The following MAGI1 variants were observed in gnomAD, a reference collection of about 807,000 sequenced individuals.
The protein encoded by MAGI1 is membrane-associated guanylate kinase, WW and PDZ domain-containing protein 1.
MAGI1 carries 58 observed loss-of-function variants against 139.9 expected under a neutral mutation model. That is an observed-to-expected ratio of 0.41 (90% confidence interval 0.34 to 0.52). MAGI1 has a LOEUF of 0.52. Among genes scored for constraint, MAGI1 ranks in the 20% least tolerant of loss-of-function variants. The pLI, the probability that MAGI1 is intolerant of heterozygous loss-of-function variation, is 0.12. For missense variants in MAGI1, 1,874 were observed against 1,901.6 expected (o/e 0.99, Z 0.27); for synonymous variants, 812 against 737.9 (o/e 1.10, Z -1.63).
chr3:65,867,809 G>A (rs572306559), intron 1 of MAGI1, among the ~76,000 whole-genome samples: 1 of 152,218 alleles, frequency 6.6e-6, no homozygotes, highest in South Asian at 2.1e-4. Flanking sequence ...CAGTAAGACA[G>A]CTCCACACCC....
At chr3:65,570,674 G>T (rs1014834754) in intron 2 of MAGI1, among the ~76,000 whole-genome samples, 4 of 152,190 alleles carry the variant, frequency 2.6e-5, no homozygotes, top group Admixed American at 2.0e-4. Context: ...GATGAAATAA[G>T]ATTGGCTAAA....
intron 1 of MAGI1, among the ~76,000 whole-genome samples, chr3:65,846,556 T>G (rs562514571): frequency 1.3e-5 from 2 of 152,232 alleles, no homozygotes; most frequent in Admixed American, 6.5e-5. Context: ...AAGGTCCTTA[T>G]AGTAAGTCTG....
At chr3:65,587,315 C>T (rs1257230423) in intron 2 of MAGI1, among the ~76,000 whole-genome samples, 1 of 152,084 alleles carries the variant, frequency 6.6e-6, no homozygotes, top group African/African-American at 2.4e-5. Context: ...GCAAAATCAT[C>T]TAACACAAAG....
intron 1 of MAGI1, among the ~76,000 whole-genome samples, chr3:65,745,464 A>G (rs1322022052): frequency 1.3e-5 from 2 of 152,230 alleles, no homozygotes; most frequent in Non-Finnish European, 2.9e-5. Flanking sequence ...ATTACTTACA[A>G]TTGGAAGCCC....
chr3:66,016,529 G>A (rs1385430062), intron 1 of MAGI1, among the ~76,000 whole-genome samples: 1 of 152,204 alleles, frequency 6.6e-6, no homozygotes, highest in African/African-American at 2.4e-5. Flanking sequence ...ACGAGGACAC[G>A]TTGCTGGCAA....
intron 1 of MAGI1, among the ~76,000 whole-genome samples, chr3:65,650,367 C>A (rs2085511865): frequency 6.6e-6 from 1 of 152,158 alleles, no homozygotes; most frequent in Non-Finnish European, 1.5e-5. Context: ...AAATCATGCC[C>A]ACACAAAAAC....
chr3:66,034,012 T>C (rs1034031025), intron 1 of MAGI1, among the ~76,000 whole-genome samples: 1 of 152,210 alleles, frequency 6.6e-6, no homozygotes, highest in African/African-American at 2.4e-5. Context: ...CCAGGTCACC[T>C]GTCTCATCTG....
chr3:65,698,476 T>C (rs1417215258), intron 1 of MAGI1, among the ~76,000 whole-genome samples: 1 of 150,312 alleles, frequency 6.7e-6, no homozygotes, highest in Non-Finnish European at 1.5e-5. Context: ...CTTCAAACTA[T>C]ACTACAAGGC....
chr3:65,424,100 C>T (rs1195842670), intron 12 of MAGI1, among the ~76,000 whole-genome samples: 2 of 152,100 alleles, frequency 1.3e-5, no homozygotes, highest in East Asian at 3.9e-4. Flanking sequence ...TATTTACCTT[C>T]TTGGGCATGT....
intron 1 of MAGI1, among the ~76,000 whole-genome samples, chr3:65,638,011 A>G (rs955040972): frequency 6.6e-6 from 1 of 152,126 alleles, no homozygotes; most frequent in Non-Finnish European, 1.5e-5. Context: ...TGAACAAGTG[A>G]GTGAATAAAG....
chr3:65,784,417 G>C (rs1029360169), intron 1 of MAGI1, among the ~76,000 whole-genome samples: 1 of 151,964 alleles, frequency 6.6e-6, no homozygotes, highest in Non-Finnish European at 1.5e-5. Flanking sequence ...CTGATGACTG[G>C]ATAAAAAACA....
At chr3:65,664,271 G>A (rs1559766322) in intron 1 of MAGI1, among the ~76,000 whole-genome samples, 3 of 152,096 alleles carry the variant, frequency 2.0e-5, no homozygotes, top group East Asian at 1.9e-4. Context: ...CTTGCATAAC[G>A]TGGCCCAGGT....
At chr3:65,651,830 T>TC (rs1244136927) in intron 1 of MAGI1, among the ~76,000 whole-genome samples, 3 of 152,118 alleles carry the variant, frequency 2.0e-5, no homozygotes, top group Non-Finnish European at 4.4e-5. Context: ...GTCAACCTTC[T>TC]CCCCACTCAT....
At chr3:65,952,789 C>T (rs141994358) in intron 1 of MAGI1, among the ~76,000 whole-genome samples, 3 of 152,204 alleles carry the variant, frequency 2.0e-5, no homozygotes, top group Admixed American at 2.0e-4. Context: ...ACTCCAGCCT[C>T]GGCGACAGAG....
intron 2 of MAGI1, among the ~76,000 whole-genome samples, chr3:65,610,815 T>C (rs2083032486): frequency 1.8e-5 from 2 of 111,374 alleles, no homozygotes; most frequent in South Asian, 5.2e-4. Flanking sequence ...GTATATATAG[T>C]ATATAGTATA....
At chr3:65,829,925 C>G in intron 1 of MAGI1, among the ~76,000 whole-genome samples, 1 of 152,222 alleles carries the variant, frequency 6.6e-6, no homozygotes, top group Non-Finnish European at 1.5e-5. Flanking sequence ...TAGGTGTTGA[C>G]TGACTCTCCC....
At chr3:65,664,375 T>C (rs764305383) in intron 1 of MAGI1, among the ~76,000 whole-genome samples, 1 of 152,188 alleles carries the variant, frequency 6.6e-6, no homozygotes, top group Non-Finnish European at 1.5e-5. Flanking sequence ...TCAGAGAATA[T>C]GTATATGTAT....
intron 1 of MAGI1, among the ~76,000 whole-genome samples, chr3:65,894,340 C>A (rs901011158): frequency 2.6e-5 from 4 of 152,166 alleles, no homozygotes; most frequent in African/African-American, 9.7e-5. Context: ...AAATCCTGTT[C>A]AATTTCCATT....
At chr3:65,912,610 A>C (rs2061718679) in intron 1 of MAGI1, among the ~76,000 whole-genome samples, 1 of 152,262 alleles carries the variant, frequency 6.6e-6, no homozygotes, top group Non-Finnish European at 1.5e-5. Context: ...AACCAATTTC[A>C]CTTAAGTACC....
Sources: gnomAD v4.1 joint callset for allele counts (sites outside exome capture counted in the v4.1 genomes callset) on GRCh38, gnomAD v4.1.1 for gene constraint, MANE v1.5 for transcripts, NCBI Gene and HGNC (gene_info 2026-07-23, HGNC 2026-07-21) for gene names.